PTPN13: variants seen among roughly 807,000 people sequenced by gnomAD.
PTPN13 encodes protein tyrosine phosphatase non-receptor type 13.
A neutral mutation model predicts 284.0 loss-of-function variants in PTPN13; 191 were observed. The observed-to-expected ratio is 0.67, with a 90% CI of 0.60 to 0.76. The LOEUF is 0.76. PTPN13 is among the 30% of genes least tolerant of loss of function. The probability of loss-of-function intolerance (pLI) is 0.00; values close to 1 mark genes in which losing one functional copy is unlikely to be tolerated. For synonymous variants in PTPN13, 986 were observed against 1,022.3 expected (o/e 0.96, Z 0.68); for missense variants, 2,797 against 2,939.9 (o/e 0.95, Z 1.12).
In PTPN13 at chr4:86,660,611, G is replaced by C. The variant is rs553514605; in HGVS notation, c.116-11754G>C. On this transcript the variant is annotated intron_variant, in intron 2 of 47. Transcript: ENST00000411767. ...ACATGCTACATCTTGCCCTGCATTC[G>C]TAACTCCAGAATTAACATGTCCTTA... 5.0e-4 allele frequency among the ~76,000 whole-genome samples: 76 copies of C among 152,032 alleles called. 1 individual carries two copies. Among genetic ancestry groups the C allele is most frequent in the Non-Finnish European group, 7.8e-4 (53 of 67,990 alleles).
intron 10 of PTPN13, among the ~76,000 whole-genome samples, chr4:86,732,066 CCTT>C (rs1464982519): frequency 1.3e-5 from 2 of 152,174 alleles, no homozygotes; most frequent in Non-Finnish European, 2.9e-5. Context: ...TTCTTCAAGA[CCTT>C]TTTTTTGAGT....
At chr4:86,703,316 TAAAAG>T (rs1470849812) in intron 7 of PTPN13, among the ~76,000 whole-genome samples, 2 of 152,248 alleles carry the variant, frequency 1.3e-5, no homozygotes, top group East Asian at 1.9e-4. Flanking sequence ...TTCTATGGTT[TAAAAG>T]AAAAGTCTCC....
chr4:86,617,962 G>T (rs1413737942), intron 1 of PTPN13, among the ~76,000 whole-genome samples: 1 of 152,048 alleles, frequency 6.6e-6, no homozygotes, highest in East Asian at 1.9e-4. Flanking sequence ...GGCTTTTGTT[G>T]CCATTGCTTT....
At chr4:86,696,574 G>C (rs929337325) in intron 6 of PTPN13, among the ~76,000 whole-genome samples, 1 of 151,820 alleles carries the variant, frequency 6.6e-6, no homozygotes, top group African/African-American at 2.4e-5. Context: ...GAAAGATTTA[G>C]TATTATTGTC....
intron 1 of PTPN13, among the ~76,000 whole-genome samples, chr4:86,612,966 T>C (rs984141109): frequency 6.6e-6 from 1 of 152,072 alleles, no homozygotes; most frequent in African/African-American, 2.4e-5. Flanking sequence ...TTACCAGAAA[T>C]GTTAAAGACA....
chr4:86,607,647 C>T lies in PTPN13; in HGVS notation c.-6+12858C>T, dbSNP rs575166283. 1.9e-3 allele frequency among the ~76,000 whole-genome samples: 291 copies of T among 152,084 alleles called. 1 individual carries two copies. Among genetic ancestry groups the T allele is most frequent in the Non-Finnish European group, 2.9e-3 (199 of 67,882 alleles). ...CTGTAACTTCTCATATCAGTAGTGT[C>T]TTTTGACATGAGCAGTATTAAGGTG... On this transcript the variant is annotated intron_variant, in intron 1 of 47. Coordinates refer to ENST00000411767, the MANE Select transcript of PTPN13 (RefSeq NM_080683.3).
Position 86,732,467 on chromosome 4 carries a change from C to T in PTPN13, c.1676C>T (p.Ser559Phe). 6.2e-7 allele frequency: 1 copy of T among 1,600,902 alleles called. No individual in the cohort carries two copies. The highest frequency in any genetic ancestry group is 8.5e-7 in the Non-Finnish European group (1 of 1,172,490). ...TTTATATCTTTGGATTTGCCACGGT[C>T]TATTCTTGTAAGTAATAAAACCAAT... ...EPFISLDLPR[S>F]ILTKKGKNED... is the part of the protein sequence containing the mutation. Residue 559 changes from serine to phenylalanine, a missense_variant, in exon 11 of 48, where the codon TCT becomes TTT. Coordinates refer to ENST00000411767, the MANE Select transcript of PTPN13 (RefSeq NM_080683.3).
intron 46 of PTPN13, 70 bp from the exon 47 acceptor site, chr4:86,810,976 T>G: frequency 6.8e-7 from 1 of 1,464,880 alleles, no homozygotes; most frequent in Non-Finnish European, 9.5e-7. Flanking sequence ...AAGCCTCCCC[T>G]CTGTGATCCT....
chr4:86,619,716 C>T (rs1423528051), intron 1 of PTPN13, among the ~76,000 whole-genome samples: 1 of 151,924 alleles, frequency 6.6e-6, no homozygotes, highest in Non-Finnish European at 1.5e-5. Context: ...AGCTAAATTT[C>T]AGAAAATCAA....
intron 16 of PTPN13, among the ~76,000 whole-genome samples, chr4:86,744,361 C>T (rs1031029161): frequency 1.3e-5 from 2 of 152,086 alleles, no homozygotes; most frequent in African/African-American, 4.8e-5. Flanking sequence ...CCTTTTCAAA[C>T]AGTTTTGGTG....
At position 86,767,985 on chromosome 4, in the gene PTPN13, T is replaced by C. The variant is rs748771247; in HGVS notation, c.4489+9T>C. The stretch of plus-strand genomic sequence containing the variant: ...CAGCTTTGTCACTGAAGGTCAGGCC[T>C]TGGGAGACTACAATCTCACCTTTAA... On this transcript the variant is annotated intron_variant, in intron 28 of 47. Transcript: ENST00000411767. 4 of 1,599,478 alleles carry C rather than the reference T, an allele frequency of 2.5e-6. No individual in the cohort carries two copies. The Admixed American group carries it at 5.4e-5, about 22-fold the overall frequency.
At chr4:86,755,916 G>A (rs184567588) in intron 20 of PTPN13, among the ~76,000 whole-genome samples, 49 of 151,828 alleles carry the variant, frequency 3.2e-4, no homozygotes, top group Non-Finnish European at 5.0e-4. Flanking sequence ...TAGTTGGGAT[G>A]AGAACCAGAG....
intron 3 of PTPN13, among the ~76,000 whole-genome samples, chr4:86,678,547 C>G (rs1033778260): frequency 6.6e-6 from 1 of 152,190 alleles, no homozygotes; most frequent in Non-Finnish European, 1.5e-5. Context: ...TTATGTAAAG[C>G]TACTTATTAG....
chr4:86,813,736 G>C (rs1191494927), intron 47 of PTPN13, among the ~76,000 whole-genome samples: 1 of 151,986 alleles, frequency 6.6e-6, no homozygotes, highest in Admixed American at 6.6e-5. Context: ...ATTTTGAATA[G>C]CTTCTTAAGC....
intron 15 of PTPN13, among the ~76,000 whole-genome samples, chr4:86,739,551 T>C (rs1735923395): frequency 6.6e-6 from 1 of 152,068 alleles, no homozygotes; most frequent in Admixed American, 6.5e-5. Flanking sequence ...TCCCACTGGG[T>C]CCCTCCTTCA....
At chr4:86,638,014 A>G (rs1260758263) in intron 2 of PTPN13, among the ~76,000 whole-genome samples, 5 of 152,220 alleles carry the variant, frequency 3.3e-5, no homozygotes, top group African/African-American at 1.2e-4. Context: ...AAAAATCACA[A>G]GCATTCTTAT....
intron 40 of PTPN13, among the ~76,000 whole-genome samples, chr4:86,796,660 A>T (rs991160269): frequency 2.0e-5 from 3 of 152,132 alleles, no homozygotes; most frequent in African/African-American, 4.8e-5. Context: ...AGCCAAGATG[A>T]GTGTGAAGTT....
intron 3 of PTPN13, among the ~76,000 whole-genome samples, chr4:86,674,157 A>G (rs78977057): frequency 0.046 from 7,056 of 152,302 alleles, 220 homozygotes; most frequent in African/African-American, 0.06. Context: ...TTTATTGTCA[A>G]AGTTATGAAA....
chr4:86,814,087 A>C (rs1279978407), intron 47 of PTPN13, among the ~76,000 whole-genome samples: 1 of 140,244 alleles, frequency 7.1e-6, no homozygotes, highest in Non-Finnish European at 1.5e-5. Flanking sequence ...GGCTCACTGC[A>C]ACCTCCGCCT....
Sources: allele counts gnomAD v4.1 joint callset (sites outside exome capture counted in the v4.1 genomes callset), GRCh38; gene constraint gnomAD v4.1.1; transcripts MANE v1.5; gene names NCBI Gene and HGNC (gene_info 2026-07-23, HGNC 2026-07-21).